ATXN10: variants seen among roughly 807,000 people sequenced by gnomAD.
The protein encoded by ATXN10 is ataxin 10.
A neutral mutation model predicts 52.9 loss-of-function variants in ATXN10; 28 were observed. The observed-to-expected ratio is 0.53, with a 90% CI of 0.39 to 0.73. The LOEUF (loss-of-function observed/expected upper bound fraction) is 0.73. Among genes scored for constraint, ATXN10 ranks in the 30% least tolerant of loss-of-function variants. The pLI is 0.00. For synonymous variants in ATXN10, 226 were observed against 221.5 expected, an observed-to-expected ratio of 1.02 and a Z score of -0.18; for missense variants, 565 against 577.0, an observed-to-expected ratio of 0.98 and a Z score of 0.21.
intron 10 of ATXN10, among the ~76,000 whole-genome samples, chr22:45,812,922 GC>G (rs1928330660): frequency 1.3e-5 from 2 of 152,272 alleles, no homozygotes; most frequent in South Asian, 4.2e-4. Context: ...AGCAAAAACT[GC>G]CCCACAGTAG....
chr22:45,765,981 A>G (rs1926568310), intron 9 of ATXN10, among the ~76,000 whole-genome samples: 1 of 152,230 alleles, frequency 6.6e-6, no homozygotes, highest in South Asian at 2.1e-4. Context: ...AATGTTATAC[A>G]GCTTCCACTG....
chr22:45,693,293 G>C (rs1228536808), intron 3 of ATXN10, among the ~76,000 whole-genome samples: 3 of 152,160 alleles, frequency 2.0e-5, no homozygotes. Flanking sequence ...GTTGAAGTCT[G>C]TCTGTTCCAG....
At chr22:45,687,080 T>A (rs958957889) in intron 1 of ATXN10, among the ~76,000 whole-genome samples, 3 of 152,212 alleles carry the variant, frequency 2.0e-5, no homozygotes, top group Non-Finnish European at 2.9e-5. Flanking sequence ...TAGTCGCTAT[T>A]AATAGTTATT....
At chr22:45,735,985 TC>T (rs1925281257) in intron 7 of ATXN10, among the ~76,000 whole-genome samples, 5 of 152,120 alleles carry the variant, frequency 3.3e-5, no homozygotes, top group Admixed American at 3.3e-4. Flanking sequence ...AGAAACACTT[TC>T]TTAATAAAAT....
At chr22:45,702,907 C>T in intron 5 of ATXN10, 60 bp downstream of exon 5, 3 of 1,602,656 alleles carry the variant, frequency 1.9e-6, no homozygotes, top group Non-Finnish European at 2.6e-6. Context: ...ACTTTCCTTG[C>T]AGAGGTTTTA....
rs1035099652 is a variant in ATXN10, at chr22:45,833,422, T to G, written c.1238-9569T>G. Among the ~76,000 whole-genome samples, 4 of 152,204 alleles carry G rather than the reference T, an allele frequency of 2.6e-5. No homozygotes were observed. Among genetic ancestry groups the G allele is most frequent in the African/African-American group, 9.6e-5 (4 of 41,466 alleles). On this transcript the variant is annotated intron_variant, in intron 10 of 11. Transcript: ENST00000252934. This position sits in a 1 kb window ranked among gnomAD's most constrained non-coding sequence, Gnocchi z 4.3. ...CTCAGGGCCTGCTGGGTCTTGTCTG[T>G]TCTAAATCGCCAGAAGCTCCACCCT...
intron 8 of ATXN10, among the ~76,000 whole-genome samples, chr22:45,739,726 T>G (rs1270728290): frequency 6.6e-6 from 1 of 152,222 alleles, no homozygotes; most frequent in African/African-American, 2.4e-5. Flanking sequence ...GGGAAAGTGA[T>G]ACCTTCCTGT....
Position 45,770,367 on chromosome 22 carries a change from G to A in ATXN10, c.1173+29829G>A, listed in dbSNP as rs1258126819. ...AGGACACATTGTAATAAGTACTGTC[G>A]CTGGTTGGGACAGGTGATGTGAAAA... On this transcript the variant is annotated intron_variant, in intron 9 of 11. Transcript: ENST00000252934. The surrounding 1 kb of genome is among the most constrained non-coding windows in gnomAD (Gnocchi z 4.5). Among the ~76,000 whole-genome samples the A allele has an allele frequency of 1.3e-5, 2 of 152,164 alleles. No individual in the cohort carries two copies. The highest frequency in any genetic ancestry group is 2.9e-5 in the Non-Finnish European group (2 of 68,040).
At chr22:45,729,151 A>G (rs1226163568) in intron 6 of ATXN10, among the ~76,000 whole-genome samples, 6 of 152,240 alleles carry the variant, frequency 3.9e-5, no homozygotes, top group Admixed American at 3.3e-4. Flanking sequence ...CATGTCTAAA[A>G]TGTCCAATTA....
In ATXN10 at chr22:45,672,111, GCC is replaced by G; in HGVS notation, c.49_50del (p.Pro17GlyfsTer45). 1 of 1,540,070 alleles carries G rather than the reference GCC, an allele frequency of 6.5e-7. No homozygotes were observed. The highest frequency in any genetic ancestry group is 8.7e-7 in the Non-Finnish European group (1 of 1,145,662). Reference sequence around the variant, plus strand: ...CTGCCAGGCTGTCGGGCGTCATGGTGCCGGCGCCCATCCAAGACCTGGAGGCC... The same window carrying G: ...CTGCCAGGCTGTCGGGCGTCATGGTGGGCGCCCATCCAAGACCTGGAGGCC... ...PPARLSGVMV[P>X]APIQDLEALR... On this transcript the variant is annotated frameshift_variant, in exon 1 of 12. Transcript: ENST00000252934. LOFTEE classifies it high-confidence loss of function.
At position 45,820,450 on chromosome 22, in the gene ATXN10, A is replaced by G. The variant is rs1928609105; in HGVS notation, c.1237+13428A>G. Among the ~76,000 whole-genome samples the G allele has an allele frequency of 6.6e-6, 1 of 152,160 alleles. No individual in the cohort carries two copies. Among genetic ancestry groups the G allele is most frequent in the Non-Finnish European group, 1.5e-5 (1 of 68,030 alleles). ...CTAATGATAAGTGACTTGGACTCTGAGCAACTTGGAGGGAATTCAGAGGTC... is the reference window on the plus strand; with the variant it reads ...CTAATGATAAGTGACTTGGACTCTGGGCAACTTGGAGGGAATTCAGAGGTC... On this transcript the variant is annotated intron_variant, in intron 10 of 11. Coordinates refer to ENST00000252934, the MANE Select transcript of ATXN10 (RefSeq NM_013236.4). The surrounding 1 kb of genome is among the most constrained non-coding windows in gnomAD (Gnocchi z 4.9).
chr22:45,726,454 A>G (rs145287180), intron 6 of ATXN10, among the ~76,000 whole-genome samples: 1,591 of 152,218 alleles, frequency 0.01, 17 homozygotes, highest in Non-Finnish European at 0.012. Context: ...GCACAAAGGT[A>G]TTCATAGTGT....
chr22:45,812,075 T>C (rs136018), intron 10 of ATXN10, among the ~76,000 whole-genome samples: 134,039 of 152,170 alleles, frequency 0.88, 59,307 homozygotes, highest in African/African-American at 0.97. Flanking sequence ...TGAAGGCAGT[T>C]GTCCAAGCAC....
chr22:45,719,533 A>G (rs1279443277), intron 6 of ATXN10, among the ~76,000 whole-genome samples: 3 of 151,472 alleles, frequency 2.0e-5, no homozygotes, highest in Non-Finnish European at 4.4e-5. Context: ...AGATAATACG[A>G]CATACAGTGC....
chr22:45,839,409 G>A (rs1052674462), intron 10 of ATXN10, among the ~76,000 whole-genome samples: 31 of 152,212 alleles, frequency 2.0e-4, no homozygotes, highest in African/African-American at 7.2e-4. Flanking sequence ...TAGTATGCCT[G>A]AAGCCTGGGG....
chr22:45,680,978 T>C (rs921486529), intron 1 of ATXN10, among the ~76,000 whole-genome samples: 2 of 152,210 alleles, frequency 1.3e-5, no homozygotes, highest in African/African-American at 4.8e-5. Context: ...AATGCTTGGC[T>C]CAAAGGTGTG....
intron 5 of ATXN10, among the ~76,000 whole-genome samples, chr22:45,711,597 C>T (rs943164133): frequency 4.6e-5 from 7 of 152,156 alleles, no homozygotes; most frequent in African/African-American, 1.7e-4. Context: ...TATAGTTTTA[C>T]AGATGTTACC....
intron 9 of ATXN10, among the ~76,000 whole-genome samples, chr22:45,768,616 C>A (rs183122178): frequency 6.6e-6 from 1 of 152,208 alleles, no homozygotes; most frequent in East Asian, 1.9e-4. Flanking sequence ...TTAAAGAAAA[C>A]GTAGTCACCA....
rs1399083885 is a variant in ATXN10, at chr22:45,837,176, A to G, written c.1238-5815A>G. Among the ~76,000 whole-genome samples the G allele has an allele frequency of 6.6e-6, 1 of 152,256 alleles. No homozygotes were observed. Among genetic ancestry groups the G allele is most frequent in the Non-Finnish European group, 1.5e-5 (1 of 68,046 alleles). On this transcript the variant is annotated intron_variant, in intron 10 of 11. Transcript: ENST00000252934. This position sits in a 1 kb window ranked among gnomAD's most constrained non-coding sequence, Gnocchi z 5.8. ...TAAAGTCCATATATATCAGAACATT[A>G]TGAAAAGTCTTTTAACACATTTAAA...
Sources: allele counts gnomAD v4.1 joint callset (sites outside exome capture counted in the v4.1 genomes callset), GRCh38; gene constraint gnomAD v4.1.1; non-coding constraint Gnocchi (gnomAD v3.1); transcripts MANE v1.5; gene names NCBI Gene and HGNC (gene_info 2026-07-23, HGNC 2026-07-21).